Variants in AGBL4 observed in about 807,000 individuals in gnomAD.
AGBL4 encodes cytosolic carboxypeptidase 6.
A neutral mutation model predicts 66.4 loss-of-function variants in AGBL4; 58 were observed. The ratio of observed to expected loss-of-function variants is 0.87; its 90% CI spans 0.71 to 1.09. The LOEUF (loss-of-function observed/expected upper bound fraction) is 1.09, where lower values mean the gene tolerates loss of function less well. AGBL4 is among the 50% of genes least tolerant of loss of function. The pLI is 0.00. For missense variants in AGBL4, 579 were observed against 631.0 expected, an observed-to-expected ratio of 0.92 and a Z score of 0.88; for synonymous variants, 234 against 222.9, an observed-to-expected ratio of 1.05 and a Z score of -0.44.
intron 11 of AGBL4, among the ~76,000 whole-genome samples, chr1:48,544,968 C>G (rs1051415856): frequency 1.3e-5 from 2 of 152,184 alleles, no homozygotes; most frequent in Non-Finnish European, 2.9e-5. Context: ...AACTAGAATA[C>G]TGTGTGACCT....
intron 5 of AGBL4, among the ~76,000 whole-genome samples, chr1:48,905,238 A>C (rs1652474091): frequency 6.6e-6 from 1 of 152,196 alleles, no homozygotes; most frequent in Admixed American, 6.5e-5. Flanking sequence ...CACTTACAAC[A>C]AGAGGGAAGC....
At chr1:49,279,990 A>G (rs545481223) in intron 3 of AGBL4, among the ~76,000 whole-genome samples, 32 of 152,308 alleles carry the variant, frequency 2.1e-4, no homozygotes, top group Non-Finnish European at 3.8e-4. Context: ...GTCACAAGAT[A>G]TGTAACTTCC....
At chr1:48,959,478 T>C (rs1168162817) in intron 5 of AGBL4, among the ~76,000 whole-genome samples, 3 of 152,144 alleles carry the variant, frequency 2.0e-5, no homozygotes, top group African/African-American at 7.2e-5. Flanking sequence ...GTTTATGCTT[T>C]AATAGAAGAA....
intron 5 of AGBL4, among the ~76,000 whole-genome samples, chr1:48,966,628 T>C (rs192115832): frequency 2.0e-5 from 3 of 152,176 alleles, no homozygotes; most frequent in East Asian, 1.9e-4. Flanking sequence ...CTAATGCCTA[T>C]GGTACAATTC....
intron 4 of AGBL4, among the ~76,000 whole-genome samples, chr1:49,123,971 GGTACTGATAGAAGAT>G (rs986503849): frequency 3.3e-5 from 5 of 152,160 alleles, no homozygotes; most frequent in African/African-American, 4.8e-5. Context: ...GTGCCTTCAA[GGTACTGATAGAAGAT>G]GTACTGATAG....
At chr1:48,936,554 T>C (rs894010410) in intron 5 of AGBL4, among the ~76,000 whole-genome samples, 1 of 152,142 alleles carries the variant, frequency 6.6e-6, no homozygotes, top group Non-Finnish European at 1.5e-5. Flanking sequence ...AGAACTGCAC[T>C]CTGATGGTTG....
At chr1:48,828,565 A>T (rs1646482028) in intron 6 of AGBL4, among the ~76,000 whole-genome samples, 1 of 151,776 alleles carries the variant, frequency 6.6e-6, no homozygotes, top group African/African-American at 2.4e-5. Flanking sequence ...ATTTGGAGTG[A>T]TTTTTTTTCT....
At position 48,817,930 on chromosome 1, in the gene AGBL4, G is replaced by C. The variant is rs1264953483; in HGVS notation, c.634+49261C>G. On this transcript the variant is annotated intron_variant, in intron 6 of 13. Transcript: ENST00000371839. ...TTGGGTGAATGGTGGAGGCTGTGTA[G>C]TCAGTAGGCAAAAAGCTAATACGTT... The C allele has an allele frequency of 4.7e-6, 3 of 636,334 alleles. No homozygotes were observed. The African/African-American group carries it at 5.5e-5, about 12-fold the overall frequency. 39.4% of individuals were successfully genotyped at this position (636,334 alleles called of 1,614,324 possible).
At chr1:49,997,241 C>A (rs924795376) in intron 1 of AGBL4, among the ~76,000 whole-genome samples, 1 of 152,078 alleles carries the variant, frequency 6.6e-6, no homozygotes, top group Admixed American at 6.6e-5. Context: ...CCTAAATGCT[C>A]CACTTAAAAG....
chr1:49,114,596 A>G lies in AGBL4; in HGVS notation c.378-68796T>C, dbSNP rs538316732. Among the ~76,000 whole-genome samples, 3 of 152,330 alleles carry G rather than the reference A, an allele frequency of 2.0e-5. No individual in the cohort carries two copies. The South Asian group carries it at 6.2e-4, about 32-fold the overall frequency. On this transcript the variant is annotated intron_variant, in intron 4 of 13. Coordinates refer to ENST00000371839, the MANE Select transcript of AGBL4 (RefSeq NM_032785.4). ...AGAAGCCTATCTTTCTTCCTAACTC[A>G]GCTTTCAAGATACCTTCCTTACTAA... is the stretch of plus-strand genomic sequence containing the variant.
chr1:49,267,681 A>G (rs1463951712), intron 3 of AGBL4, among the ~76,000 whole-genome samples: 3 of 150,596 alleles, frequency 2.0e-5, no homozygotes, highest in Admixed American at 1.3e-4. Context: ...CTCTGTCCCA[A>G]AAAAAAAAGA....
chr1:49,158,966 C>T (rs900466502), intron 4 of AGBL4, among the ~76,000 whole-genome samples: 20 of 147,558 alleles, frequency 1.4e-4, no homozygotes, highest in African/African-American at 4.3e-4. Context: ...TCTTTGCATA[C>T]GAGATGGGTC....
At chr1:48,909,838 T>C (rs1258674083) in intron 5 of AGBL4, among the ~76,000 whole-genome samples, 1 of 152,210 alleles carries the variant, frequency 6.6e-6, no homozygotes, top group Non-Finnish European at 1.5e-5. Flanking sequence ...AGAACTCCAG[T>C]GAATGCCTTG....
rs1416314460 is a variant in AGBL4, at chr1:48,706,397, A to G, written c.635-43156T>C. ...TATACAATTTTCATTCTCAAAATATAACTGCTAAAACCAGAAATAAGGAAC... is the reference window on the plus strand; with the variant it reads ...TATACAATTTTCATTCTCAAAATATGACTGCTAAAACCAGAAATAAGGAAC... On this transcript the variant is annotated intron_variant, in intron 6 of 13. Transcript: ENST00000371839. Among the ~76,000 whole-genome samples the G allele has an allele frequency of 3.3e-5, 5 of 152,356 alleles. No individual in the cohort carries two copies. In the East Asian group the frequency reaches 9.6e-4, roughly 29 times the overall value.
rs796241291 is a variant in AGBL4, at chr1:48,908,331, GA to G, written c.595-41102del. On this transcript the variant is annotated intron_variant, in intron 5 of 13. Transcript: ENST00000371839. ...AAGTTGCCTTTTCAAAAAATTCGGG[GA>G]AAAAAAAAGATACAACCAATACAGC... is the stretch of plus-strand genomic sequence containing the variant. 1.9e-3 allele frequency among the ~76,000 whole-genome samples: 284 copies of G among 150,940 alleles called. 4 individuals are homozygous for G. Among genetic ancestry groups the G allele is most frequent in the African/African-American group, 6.6e-3 (273 of 41,206 alleles).
At chr1:49,413,746 A>G (rs1213135126) in intron 3 of AGBL4, among the ~76,000 whole-genome samples, 2 of 152,230 alleles carry the variant, frequency 1.3e-5, no homozygotes, top group Non-Finnish European at 2.9e-5. Context: ...CTTGAATAAA[A>G]TTATACATGA....
intron 2 of AGBL4, among the ~76,000 whole-genome samples, chr1:49,769,131 G>A (rs977168432): frequency 6.6e-6 from 1 of 152,044 alleles, no homozygotes; most frequent in African/African-American, 2.4e-5. Context: ...ACAGGCATGA[G>A]CCACCACACC....
intron 5 of AGBL4, among the ~76,000 whole-genome samples, chr1:49,031,818 G>A (rs1664252372): frequency 1.3e-5 from 2 of 152,104 alleles, no homozygotes; most frequent in African/African-American, 4.8e-5. Context: ...AGACAGATAT[G>A]GTCCTTGTCC....
intron 3 of AGBL4, among the ~76,000 whole-genome samples, chr1:49,562,796 T>C (rs545243986): frequency 6.6e-5 from 10 of 152,294 alleles, no homozygotes; most frequent in South Asian, 4.1e-4. Context: ...ATGTGGGCTC[T>C]TTGTTGATTC....
Sources: allele counts gnomAD v4.1 joint callset (sites outside exome capture counted in the v4.1 genomes callset), GRCh38; gene constraint gnomAD v4.1.1; transcripts MANE v1.5; gene names NCBI Gene and HGNC (gene_info 2026-07-23, HGNC 2026-07-21).